Variants in C1orf146 observed in about 807,000 individuals in gnomAD.
C1orf146 encodes chromosome 1 open reading frame 146, also known as protein SPO16 homolog.
C1orf146 carries 22 observed loss-of-function variants against 23.0 expected under a neutral mutation model. The ratio of observed to expected loss-of-function variants is 0.96; its 90% CI spans 0.68 to 1.36. The LOEUF is 1.36. Among genes scored for constraint, C1orf146 ranks in the 40% most tolerant of loss-of-function variants. The pLI, the probability that C1orf146 is intolerant of heterozygous loss-of-function variation, is 0.00. For synonymous variants in C1orf146, 59 were observed against 65.3 expected (o/e 0.90, Z 0.47); for missense variants, 199 against 206.8 (o/e 0.96, Z 0.23).
intron 3 of C1orf146, among the ~76,000 whole-genome samples, chr1:92,243,650 C>T (rs147508056): frequency 8.9e-4 from 136 of 152,178 alleles, no homozygotes; most frequent in African/African-American, 3.1e-3. Flanking sequence ...CAGCCAAAGG[C>T]TTGCTTAAGA....
intron 2 of C1orf146, among the ~76,000 whole-genome samples, chr1:92,235,265 C>T (rs1025531929): frequency 6.6e-6 from 1 of 152,168 alleles, no homozygotes; most frequent in African/African-American, 2.4e-5. Context: ...AAATTTCCCT[C>T]TACACACTGC....
At chr1:92,228,980 G>A (rs1652037217) in intron 1 of C1orf146, 1 of 453,056 alleles carries the variant, frequency 2.2e-6, no homozygotes, top group Non-Finnish European at 4.3e-6. Flanking sequence ...ATTAACCCAT[G>A]CAGCAAAAGC....
chr1:92,240,403 C>T (rs572411088), intron 2 of C1orf146, among the ~76,000 whole-genome samples: 4 of 152,156 alleles, frequency 2.6e-5, no homozygotes, highest in African/African-American at 2.4e-5. Flanking sequence ...TTGCCTTCAG[C>T]AGGCGGGTTG....
In C1orf146 at chr1:92,231,374, T is replaced by A; in HGVS notation, c.-39-8T>A. ...TCTTTGCATTCTTTGTGTTCTTAAT[T>A]TTCTCAGATTGTTGCACCATTAGAA... On this transcript the variant is annotated splice_region_variant and splice_polypyrimidine_tract_variant and intron_variant, in intron 1 of 5. Transcript: ENST00000370375. The A allele has an allele frequency of 6.1e-6, 8 of 1,320,206 alleles. No homozygotes were observed. Among genetic ancestry groups the A allele is most frequent in the Non-Finnish European group, 8.5e-6 (8 of 944,490 alleles). The allele number at this position is 1,320,206 out of a possible 1,614,324, so 81.8% of individuals were successfully genotyped here.
chr1:92,218,146 A>C (rs999461901), intron 1 of C1orf146, 98 bp downstream of exon 1: 3 of 152,118 alleles, frequency 2.0e-5, no homozygotes, highest in Non-Finnish European at 2.9e-5. Flanking sequence ...TGACTTGCCG[A>C]GCTCAGAGCT....
intron 1 of C1orf146, among the ~76,000 whole-genome samples, chr1:92,220,525 A>C (rs905241434): frequency 3.3e-5 from 5 of 152,208 alleles, no homozygotes; most frequent in Non-Finnish European, 7.3e-5. Context: ...ATAGTATGTT[A>C]ATGTACTGAA....
rs552459623 is a variant in C1orf146, at chr1:92,243,519, G to T, written c.161-698G>T. Among the ~76,000 whole-genome samples the T allele has an allele frequency of 5.3e-5, 8 of 152,094 alleles. 1 individual carries two copies. The Middle Eastern group carries it at 0.01, about 194-fold the overall frequency. On this transcript the variant is annotated intron_variant, in intron 3 of 5. Transcript: ENST00000370375. ...ATACCACCACACCCAGCTAATTTTT[G>T]TATTTTTAGTAGAGACAGGGTTTCA...
intron 5 of C1orf146, among the ~76,000 whole-genome samples, chr1:92,245,164 A>T (rs1165439817): frequency 6.6e-6 from 1 of 152,216 alleles, no homozygotes; most frequent in Non-Finnish European, 1.5e-5. Context: ...ATAAACGGTC[A>T]GAGTGCAAGC....
intron 1 of C1orf146, among the ~76,000 whole-genome samples, chr1:92,218,575 AT>A (rs1312526479): frequency 2.0e-5 from 3 of 152,094 alleles, no homozygotes; most frequent in Admixed American, 2.0e-4. Context: ...TTTAACTTTT[AT>A]GTTAGGTTCA....
At chr1:92,243,138 G>A (rs1047891860) in intron 3 of C1orf146, among the ~76,000 whole-genome samples, 2 of 152,138 alleles carry the variant, frequency 1.3e-5, no homozygotes, top group Non-Finnish European at 2.9e-5. Flanking sequence ...TTACTCCCAT[G>A]TTACAGAAGA....
chr1:92,242,495 TAA>T (rs1652456363), intron 3 of C1orf146, among the ~76,000 whole-genome samples, 190 bp downstream of exon 3: 1 of 152,114 alleles, frequency 6.6e-6, no homozygotes, highest in African/African-American at 2.4e-5. Flanking sequence ...TTACAATTGT[TAA>T]AATAAAGCTG....
At chr1:92,227,463 CG>C (rs981262788) in intron 1 of C1orf146, among the ~76,000 whole-genome samples, 1 of 151,940 alleles carries the variant, frequency 6.6e-6, no homozygotes, top group African/African-American at 2.4e-5. Flanking sequence ...GGCGTGAACC[CG>C]GGAGGCGGAG....
At chr1:92,235,599 G>A (rs1652254663) in intron 2 of C1orf146, among the ~76,000 whole-genome samples, 1 of 152,206 alleles carries the variant, frequency 6.6e-6, no homozygotes, top group Admixed American at 6.5e-5. Flanking sequence ...GATTTGGGGT[G>A]GAGAGTTCTG....
intron 1 of C1orf146, among the ~76,000 whole-genome samples, chr1:92,223,460 T>C (rs1440731561): frequency 6.6e-6 from 1 of 152,234 alleles, no homozygotes; most frequent in Non-Finnish European, 1.5e-5. Flanking sequence ...CTTTGGTGAA[T>C]AACCTGCTTA....
intron 2 of C1orf146, among the ~76,000 whole-genome samples, chr1:92,234,955 A>T (rs1462845217): frequency 6.6e-6 from 1 of 152,048 alleles, no homozygotes; most frequent in Non-Finnish European, 1.5e-5. Context: ...ATCAGTGGTG[A>T]TATCCCCTTT....
At chr1:92,231,342 AG>A (rs1652115015) in intron 1 of C1orf146, 39 bp from the exon 2 acceptor site, 2 of 919,350 alleles carry the variant, frequency 2.2e-6, no homozygotes, top group Admixed American at 4.7e-5. Context: ...CTCATTCATC[AG>A]ATATTTCTTT....
intron 1 of C1orf146, among the ~76,000 whole-genome samples, chr1:92,223,680 C>T (rs1274617827): frequency 2.6e-5 from 4 of 152,018 alleles, no homozygotes; most frequent in Non-Finnish European, 5.9e-5. Flanking sequence ...ACTACAGGTA[C>T]GCACCACCAC....
chr1:92,229,937 A>G (rs1216076749), intron 1 of C1orf146, among the ~76,000 whole-genome samples: 1 of 152,194 alleles, frequency 6.6e-6, no homozygotes, highest in Non-Finnish European at 1.5e-5. Flanking sequence ...GCTCAGTGAG[A>G]TTCCATTTCA....
intron 2 of C1orf146, among the ~76,000 whole-genome samples, chr1:92,240,545 A>G (rs1427765020): frequency 6.6e-6 from 1 of 152,210 alleles, no homozygotes; most frequent in Non-Finnish European, 1.5e-5. Flanking sequence ...AAAGAAAGGA[A>G]GCATGTATTT....
Sources: allele counts gnomAD v4.1 joint callset (sites outside exome capture counted in the v4.1 genomes callset), GRCh38; gene constraint gnomAD v4.1.1; transcripts MANE v1.5; gene names NCBI Gene and HGNC (gene_info 2026-07-23, HGNC 2026-07-21).